TENT4B: variants seen among roughly 807,000 people sequenced by gnomAD.
TENT4B encodes PAP associated domain containing 5.
TENT4B carries 10 observed loss-of-function variants against 75.0 expected under a neutral mutation model. That is an observed-to-expected ratio of 0.13 (90% CI 0.08 to 0.23). TENT4B has a LOEUF of 0.23. Ranked by LOEUF, TENT4B falls within the 10% of genes least tolerant of loss-of-function variation. The pLI is 1.00. For missense variants in TENT4B, 579 were observed against 893.8 expected, an observed-to-expected ratio of 0.65 and a Z score of 4.49; for synonymous variants, 350 against 357.7, an observed-to-expected ratio of 0.98 and a Z score of 0.24.
intron 1 of TENT4B, among the ~76,000 whole-genome samples, chr16:50,180,106 T>C (rs1304689810): frequency 3.2e-5 from 2 of 63,002 alleles, no homozygotes; most frequent in African/African-American, 8.4e-5. Context: ...TCTTTTTTTC[T>C]TTTTCTTTTT....
At chr16:50,206,695 G>A (rs2030991694) in intron 1 of TENT4B, among the ~76,000 whole-genome samples, 1 of 152,110 alleles carries the variant, frequency 6.6e-6, no homozygotes, top group Non-Finnish European at 1.5e-5. Context: ...GCACAAGGGA[G>A]CTTTCCACCT....
At chr16:50,225,804 T>G (rs940916830) in intron 10 of TENT4B, among the ~76,000 whole-genome samples, 1 of 151,208 alleles carries the variant, frequency 6.6e-6, no homozygotes, top group Non-Finnish European at 1.5e-5. Flanking sequence ...TGCCTCAACC[T>G]CCTGAGTAGC....
intron 3 of TENT4B, among the ~76,000 whole-genome samples, 199 bp from the exon 4 acceptor site, chr16:50,215,876 A>T (rs9932281): frequency 0.02 from 3,078 of 152,242 alleles, 108 homozygotes; most frequent in African/African-American, 0.071. Flanking sequence ...CTGTGAAATG[A>T]CTGAGAGGAG....
At position 50,233,357 on chromosome 16, in the gene TENT4B, A is replaced by G. The variant is rs1157205277; in HGVS notation, c.*4029A>G. ...TAAGTGTTAAAGATCAAATTTTAAT[A>G]TGCTTCTCGATATTTAACATAGCTA... On this transcript the variant is annotated 3_prime_UTR_variant, in exon 12 of 12. Coordinates refer to ENST00000561678, the MANE Select transcript of TENT4B (RefSeq NM_001365324.3). 2.0e-6 allele frequency: 2 copies of G among 985,262 alleles called. No homozygotes were observed. Among genetic ancestry groups the G allele is most frequent in the Non-Finnish European group, 2.4e-6 (2 of 829,880 alleles). 61.0% of individuals were successfully genotyped at this position (985,262 alleles called of 1,614,324 possible). A position where few individuals can be genotyped will look rare whatever the true frequency, so the allele number is the denominator to read the frequency against.
At chr16:50,169,553 T>G (rs932411032) in intron 1 of TENT4B, among the ~76,000 whole-genome samples, 2 of 152,188 alleles carry the variant, frequency 1.3e-5, no homozygotes, top group African/African-American at 4.8e-5. Context: ...TGATAGTCTC[T>G]TGATGCTTTT....
chr16:50,229,050 A>C, intron 11 of TENT4B, 102 bp from the exon 12 acceptor site: 1 of 1,534,306 alleles, frequency 6.5e-7, no homozygotes, highest in Non-Finnish European at 8.7e-7. Flanking sequence ...CAATCTAGCC[A>C]GCATATTCCT....
chr16:50,221,094 C>T (rs2031807410), intron 5 of TENT4B, among the ~76,000 whole-genome samples: 2 of 151,942 alleles, frequency 1.3e-5, no homozygotes, highest in Admixed American at 1.3e-4. Context: ...CAAGACCAGC[C>T]CGGGCAATGT....
chr16:50,226,146 T>C (rs1048844330), intron 10 of TENT4B, among the ~76,000 whole-genome samples: 6 of 151,622 alleles, frequency 4.0e-5, no homozygotes, highest in Non-Finnish European at 1.5e-5. Context: ...ATTACAGGCA[T>C]GTGCCACCAC....
chr16:50,203,957 G>T (rs919303708), intron 1 of TENT4B, among the ~76,000 whole-genome samples: 3 of 152,206 alleles, frequency 2.0e-5, no homozygotes, highest in Non-Finnish European at 4.4e-5. Flanking sequence ...AAGTCATTCT[G>T]CCTCTGGGAA....
chr16:50,209,242 C>T (rs1220933215), intron 1 of TENT4B, among the ~76,000 whole-genome samples: 1 of 152,172 alleles, frequency 6.6e-6, no homozygotes, highest in Non-Finnish European at 1.5e-5. Context: ...TCACTCACAG[C>T]AGACTACGCA....
At chr16:50,223,549 A>G in intron 7 of TENT4B, 162 bp downstream of exon 7, 1 of 607,844 alleles carries the variant, frequency 1.6e-6, no homozygotes, top group Non-Finnish European at 2.8e-6. Context: ...AAATAAACAG[A>G]CACAGACAAT....
intron 1 of TENT4B, among the ~76,000 whole-genome samples, chr16:50,194,549 A>G (rs2030082615): frequency 1.4e-5 from 2 of 146,014 alleles, no homozygotes; most frequent in Non-Finnish European, 1.5e-5. Flanking sequence ...TCTTTTTTTC[A>G]GGTTCATTGA....
At chr16:50,173,698 T>C (rs1316227653) in intron 1 of TENT4B, among the ~76,000 whole-genome samples, 2 of 152,164 alleles carry the variant, frequency 1.3e-5, no homozygotes, top group Non-Finnish European at 2.9e-5. Context: ...GTTGTTGTTG[T>C]TGTGTTGTTC....
chr16:50,197,853 A>G (rs886592626), intron 1 of TENT4B, among the ~76,000 whole-genome samples: 1 of 152,208 alleles, frequency 6.6e-6, no homozygotes, highest in Non-Finnish European at 1.5e-5. Context: ...AGCAGGTTAT[A>G]GTCTGTTTAC....
At chr16:50,204,687 A>G (rs2030847708) in intron 1 of TENT4B, among the ~76,000 whole-genome samples, 1 of 152,170 alleles carries the variant, frequency 6.6e-6, no homozygotes, top group Non-Finnish European at 1.5e-5. Context: ...ATCAAACAGT[A>G]CAAAATCATG....
At position 50,229,310 on chromosome 16, in the gene TENT4B, C is replaced by T. The variant is rs372957671; in HGVS notation, c.2124C>T (p.Leu708=). 5 of 1,613,390 alleles carry T rather than the reference C, an allele frequency of 3.1e-6. No homozygotes were observed. The highest frequency in any genetic ancestry group is 1.1e-5 in the South Asian group (1 of 90,950). The change falls in exon 12 of 12, where the codon CTC becomes CTT. Residue 708 remains leucine, a synonymous_variant. Transcript: ENST00000561678. ...KKRKHKRDAP[L]SDLCR is the part of the protein sequence containing the mutation. Reference sequence around the variant, plus strand: ...GGAAACACAAGAGGGACGCGCCCCTCTCAGACCTCTGTAGATAGTCAGCGC... The same window carrying T: ...GGAAACACAAGAGGGACGCGCCCCTTTCAGACCTCTGTAGATAGTCAGCGC...
chr16:50,181,944 A>G (rs961736302), intron 1 of TENT4B, among the ~76,000 whole-genome samples: 1 of 152,170 alleles, frequency 6.6e-6, no homozygotes, highest in African/African-American at 2.4e-5. Flanking sequence ...GATAGTAACC[A>G]GAATAATTGT....
rs374451624 is a variant in TENT4B at position 50,230,218 on chromosome 16, G to A, written c.*890G>A. On this transcript the variant is annotated 3_prime_UTR_variant, in exon 12 of 12. Coordinates refer to ENST00000561678, the MANE Select transcript of TENT4B (RefSeq NM_001365324.3). ...TGCAACTGTTTTCTATAGTGCTGTC[G>A]TCTTGGGCAATGGGCAATTACATGA... The A allele has an allele frequency of 1.1e-4, 108 of 979,960 alleles. 1 individual carries two copies. The highest frequency in any genetic ancestry group is 4.1e-4 in the African/African-American group (23 of 55,548). The allele number at this position is 979,960 out of a possible 1,614,324, so 60.7% of individuals were successfully genotyped here. A position where few individuals can be genotyped will look rare whatever the true frequency, so the allele number is the denominator to read the frequency against.
chr16:50,201,637 G>A (rs2030656919), intron 1 of TENT4B, among the ~76,000 whole-genome samples: 2 of 151,952 alleles, frequency 1.3e-5, no homozygotes, highest in African/African-American at 2.4e-5. Flanking sequence ...GTGGTCAGGA[G>A]TTCAAGACCA....
Sources: gnomAD v4.1 joint callset for allele counts (sites outside exome capture counted in the v4.1 genomes callset) on GRCh38, gnomAD v4.1.1 for gene constraint, MANE v1.5 for transcripts, NCBI Gene and HGNC (gene_info 2026-07-23, HGNC 2026-07-21) for gene names.